The following PHF20 variants were observed in gnomAD, a reference collection of about 807,000 sequenced individuals.
PHF20 encodes the protein PHD finger protein 20, also known as glioma-expressed antigen 2.
In PHF20, 23 loss-of-function variants were observed where a neutral mutation model predicts 113.5. That is an observed-to-expected ratio of 0.20 (90% CI 0.15 to 0.29). The LOEUF (loss-of-function observed/expected upper bound fraction) is 0.29. Ranked by LOEUF, PHF20 falls within the 10% of genes least tolerant of loss-of-function variation. The pLI is 1.00. For missense variants in PHF20, 943 were observed against 1,219.6 expected (o/e 0.77, Z 3.38); for synonymous variants, 434 against 457.3 (o/e 0.95, Z 0.65).
chr20:35,934,830 C>T (rs908179585), intron 15 of PHF20, among the ~76,000 whole-genome samples: 2 of 152,114 alleles, frequency 1.3e-5, no homozygotes, highest in Non-Finnish European at 2.9e-5. Context: ...AATGACGGCC[C>T]TGGATAGGAT....
intron 1 of PHF20, among the ~76,000 whole-genome samples, chr20:35,780,849 CTTTT>C (rs61173937): frequency 1.0e-5 from 1 of 98,222 alleles, no homozygotes; most frequent in Non-Finnish European, 1.9e-5. Flanking sequence ...GTGCCTGGCC[CTTTT>C]TTTTTTTTTT....
chr20:35,860,393 A>G (rs1276546127), intron 5 of PHF20, among the ~76,000 whole-genome samples: 1 of 150,846 alleles, frequency 6.6e-6, no homozygotes, highest in African/African-American at 2.4e-5. Flanking sequence ...GGCATGCACC[A>G]CTATGCCCAG....
chr20:35,929,957 T>C (rs573924822), intron 14 of PHF20, among the ~76,000 whole-genome samples: 1 of 152,334 alleles, frequency 6.6e-6, no homozygotes, highest in Non-Finnish European at 1.5e-5. Context: ...ATCACCTGGG[T>C]GTTTCAAGGT....
chr20:35,851,277 A>G (rs945046318), intron 4 of PHF20, among the ~76,000 whole-genome samples: 3 of 152,032 alleles, frequency 2.0e-5, no homozygotes, highest in Non-Finnish European at 4.4e-5. Flanking sequence ...AAAAATATGC[A>G]TATTTTTGGG....
chr20:35,889,217 T>C (rs1263480213), intron 9 of PHF20, among the ~76,000 whole-genome samples: 1 of 151,720 alleles, frequency 6.6e-6, no homozygotes, highest in Non-Finnish European at 1.5e-5. Context: ...GGTTTTGTCA[T>C]GTTAGCCAGG....
intron 3 of PHF20, among the ~76,000 whole-genome samples, chr20:35,844,635 T>C (rs1336605371): frequency 6.7e-6 from 1 of 149,860 alleles, no homozygotes; most frequent in African/African-American, 2.5e-5. Context: ...GAAGAAGATA[T>C]CGAGTCCAAA....
chr20:35,817,243 A>G (rs990374721), intron 2 of PHF20, among the ~76,000 whole-genome samples: 10 of 149,994 alleles, frequency 6.7e-5, no homozygotes, highest in Non-Finnish European at 1.2e-4. Context: ...CTGGAGTGCA[A>G]TGGCGTGATC....
intron 1 of PHF20, among the ~76,000 whole-genome samples, chr20:35,781,698 A>T (rs986171081): frequency 6.6e-6 from 1 of 152,250 alleles, no homozygotes; most frequent in African/African-American, 2.4e-5. Flanking sequence ...TAATCCCAGC[A>T]CTTCGGGAGG....
intron 2 of PHF20, among the ~76,000 whole-genome samples, chr20:35,830,773 C>T (rs1422711205): frequency 6.6e-6 from 1 of 150,916 alleles, no homozygotes; most frequent in African/African-American, 2.4e-5. Flanking sequence ...GCAAGATTTG[C>T]AGGTTTGTTG....
chr20:35,873,466 G>GC (rs1555795793), intron 9 of PHF20, among the ~76,000 whole-genome samples: 1 of 82,366 alleles, frequency 1.2e-5, no homozygotes, highest in Admixed American at 1.3e-4. Context: ...CTGTTTTTTT[G>GC]TTTTTTTTTT....
intron 15 of PHF20, among the ~76,000 whole-genome samples, chr20:35,932,849 T>C (rs899861508): frequency 6.6e-6 from 1 of 152,178 alleles, no homozygotes; most frequent in African/African-American, 2.4e-5. Context: ...CAGCTCTCCA[T>C]TTCCCTTTCC....
At chr20:35,882,999 G>A (rs2054661766) in intron 9 of PHF20, among the ~76,000 whole-genome samples, 1 of 149,582 alleles carries the variant, frequency 6.7e-6, no homozygotes, top group African/African-American at 2.5e-5. Context: ...TTGCACTCCA[G>A]CCTGGGTGAC....
chr20:35,852,846 G>C (rs111655102), intron 4 of PHF20, among the ~76,000 whole-genome samples: 7,314 of 150,594 alleles, frequency 0.049, 224 homozygotes, highest in African/African-American at 0.099. Flanking sequence ...ATCCACCCGC[G>C]TCGGTCTCCC....
intron 1 of PHF20, among the ~76,000 whole-genome samples, chr20:35,779,495 C>G (rs970703601): frequency 6.6e-6 from 1 of 150,428 alleles, no homozygotes; most frequent in African/African-American, 2.4e-5. Context: ...GGAAAAAGTC[C>G]ATAGCTGGTG....
intron 9 of PHF20, among the ~76,000 whole-genome samples, chr20:35,881,889 G>A (rs776552306): frequency 1.3e-5 from 2 of 152,244 alleles, no homozygotes; most frequent in Non-Finnish European, 2.9e-5. Context: ...CTGGCCACCT[G>A]TTGCCTCACC....
At chr20:35,808,746 C>T (rs1323818753) in intron 2 of PHF20, among the ~76,000 whole-genome samples, 1 of 151,040 alleles carries the variant, frequency 6.6e-6, no homozygotes, top group Non-Finnish European at 1.5e-5. Context: ...CTAATTTTTT[C>T]TATTTTTAGT....
chr20:35,830,715 CT>C (rs376270505), intron 2 of PHF20, among the ~76,000 whole-genome samples: 1 of 149,686 alleles, frequency 6.7e-6, no homozygotes, highest in Non-Finnish European at 1.5e-5. Context: ...CAGAAGTTTG[CT>C]TTTTTTTTCC....
intron 17 of PHF20, among the ~76,000 whole-genome samples, chr20:35,947,028 G>A (rs2056098088): frequency 6.6e-6 from 1 of 152,182 alleles, no homozygotes; most frequent in Non-Finnish European, 1.5e-5. Context: ...TTTAAAGAGT[G>A]AGTGGTAACA....
chr20:35,876,317 TC>T (rs1276824093), intron 9 of PHF20, among the ~76,000 whole-genome samples: 2 of 152,112 alleles, frequency 1.3e-5, no homozygotes, highest in African/African-American at 4.8e-5. Context: ...ATGCCTGTAA[TC>T]CCAGGACTTT....
Sources: gnomAD v4.1 joint callset for allele counts (sites outside exome capture counted in the v4.1 genomes callset) on GRCh38, gnomAD v4.1.1 for gene constraint, MANE v1.5 for transcripts, NCBI Gene and HGNC (gene_info 2026-07-23, HGNC 2026-07-21) for gene names.